The following SYT14 variants were observed in gnomAD, a reference collection of about 807,000 sequenced individuals.
SYT14 encodes the protein synaptotagmin-14.
A neutral mutation model predicts 74.2 loss-of-function variants in SYT14; 32 were observed. That is an observed-to-expected ratio of 0.43 (90% CI 0.33 to 0.58). SYT14 has a LOEUF of 0.58. Ranked by LOEUF, SYT14 falls within the 20% of genes least tolerant of loss-of-function variation. The probability of loss-of-function intolerance (pLI) is 0.05; values close to 1 mark genes in which losing one functional copy is unlikely to be tolerated. For missense variants in SYT14, 791 were observed against 981.8 expected (o/e 0.81, Z 2.60); for synonymous variants, 298 against 337.7 (o/e 0.88, Z 1.29).
At chr1:209,989,331 C>T (rs2079624922) in intron 2 of SYT14, among the ~76,000 whole-genome samples, 1 of 152,004 alleles carries the variant, frequency 6.6e-6, no homozygotes, top group Admixed American at 6.6e-5. Flanking sequence ...GATTAGAGAA[C>T]AAGATATGGT....
At chr1:209,938,528 G>A (rs1218010226) in intron 1 of SYT14, among the ~76,000 whole-genome samples, 1 of 152,036 alleles carries the variant, frequency 6.6e-6, no homozygotes, top group African/African-American at 2.4e-5. Flanking sequence ...GCCGCACGCG[G>A]GGCAAAGCGG....
chr1:210,162,330 A>C (rs1167940734), exon 10 of SYT14: 1 of 447,092 alleles, frequency 2.2e-6, no homozygotes. Context: ...TCCTCAGAAC[A>C]GTGTCGCAAG....
chr1:210,096,370 CAT>C lies in SYT14; in HGVS notation c.1584+1778_1584+1779del, dbSNP rs1491023022. Among the ~76,000 whole-genome samples, 4 of 152,060 alleles carry C rather than the reference CAT, an allele frequency of 2.6e-5. No homozygotes were observed. In the East Asian group the frequency reaches 5.8e-4, roughly 22 times the overall value. The stretch of plus-strand genomic sequence containing the variant: ...TAAGATGCTCAAATTATTGTGTGTG[CAT>C]GTGTGTGTGTGAGAGAGAGAGAAAG... On this transcript the variant is annotated intron_variant, in intron 6 of 9. Coordinates refer to ENST00000637265, the Ensembl canonical transcript of SYT14.
intron 1 of SYT14, among the ~76,000 whole-genome samples, chr1:209,940,813 T>C (rs1274141499): frequency 6.6e-6 from 1 of 152,234 alleles, no homozygotes; most frequent in Admixed American, 6.5e-5. Flanking sequence ...TTGTATGTTT[T>C]AAAATTTGGA....
chr1:209,957,212 A>C lies in SYT14; in HGVS notation c.-486+4456A>C, dbSNP rs550134364. 2.6e-5 allele frequency among the ~76,000 whole-genome samples: 4 copies of C among 152,068 alleles called. No homozygotes were observed. The South Asian group carries it at 8.3e-4, about 32-fold the overall frequency. ...AACATGGACTTTCCTTTCTAACTTT[A>C]GCCCCCATTGCTGTCTTCTCTCTTC... On this transcript the variant is annotated intron_variant, in intron 2 of 9. Coordinates refer to ENST00000637265, the Ensembl canonical transcript of SYT14.
At chr1:210,110,566 G>A (rs1040962327) in intron 7 of SYT14, among the ~76,000 whole-genome samples, 1 of 152,180 alleles carries the variant, frequency 6.6e-6, no homozygotes, top group African/African-American at 2.4e-5. Flanking sequence ...ATTAAACAAG[G>A]TGTTGGGAGT....
exon 4 of SYT14, chr1:210,016,902 T>C (rs2080195888): frequency 1.6e-6 from 2 of 1,231,646 alleles, no homozygotes; most frequent in Non-Finnish European, 2.0e-6. Context: ...AAATCTATTA[T>C]AAAAGAAGAC....
chr1:210,112,519 A>G (rs745696349), intron 7 of SYT14, among the ~76,000 whole-genome samples: 4 of 151,344 alleles, frequency 2.6e-5, no homozygotes, highest in Admixed American at 6.6e-5. Flanking sequence ...GAAGAGATTG[A>G]TAAGTGGAAG....
chr1:209,944,673 T>A (rs2078793594), intron 1 of SYT14, among the ~76,000 whole-genome samples: 1 of 151,978 alleles, frequency 6.6e-6, no homozygotes, highest in Non-Finnish European at 1.5e-5. Context: ...AGTAATTGCA[T>A]AGCAACAGCA....
chr1:210,019,131 CAAA>C (rs1215149823), intron 4 of SYT14, among the ~76,000 whole-genome samples: 10 of 56,680 alleles, frequency 1.8e-4, no homozygotes, highest in South Asian at 9.8e-4. Flanking sequence ...TGAGACTCCT[CAAA>C]AAAAAAAAAA....
intron 2 of SYT14, among the ~76,000 whole-genome samples, chr1:209,957,954 T>C (rs1272316506): frequency 6.6e-6 from 1 of 152,148 alleles, no homozygotes; most frequent in Non-Finnish European, 1.5e-5. Flanking sequence ...CTTCCTTCTT[T>C]CTCTCTGTCT....
intron 7 of SYT14, among the ~76,000 whole-genome samples, chr1:210,126,100 GC>G (rs1386449602): frequency 6.6e-6 from 1 of 152,058 alleles, no homozygotes; most frequent in Non-Finnish European, 1.5e-5. Flanking sequence ...CTATGCGGGA[GC>G]CTGATACAGG....
rs373504141 is a variant in SYT14, at chr1:210,130,360, GA to G, written c.2035-25353del. Among the ~76,000 whole-genome samples the G allele has an allele frequency of 4.0e-5, 6 of 151,872 alleles. No homozygotes were observed. The South Asian group carries it at 1.0e-3, about 26-fold the overall frequency. ...TGGATTAAAGTCATTATGACCATGAGAAAAAAAATGGTTTTTTTTCCAGTGT... is the reference window on the plus strand; with the variant it reads ...TGGATTAAAGTCATTATGACCATGAGAAAAAAATGGTTTTTTTTCCAGTGT... On this transcript the variant is annotated intron_variant, in intron 7 of 9. Coordinates refer to ENST00000637265, the Ensembl canonical transcript of SYT14.
chr1:210,047,444 C>T (rs908907596), intron 5 of SYT14, among the ~76,000 whole-genome samples: 1 of 152,062 alleles, frequency 6.6e-6, no homozygotes, highest in Non-Finnish European at 1.5e-5. Flanking sequence ...GTCGGCCGGG[C>T]TGGAGTGCAA....
intron 7 of SYT14, among the ~76,000 whole-genome samples, chr1:210,152,420 T>C (rs1245128009): frequency 2.6e-5 from 4 of 152,224 alleles, no homozygotes; most frequent in Non-Finnish European, 5.9e-5. Context: ...TAGTGTCTTT[T>C]TTTTCTTTTC....
intron 5 of SYT14, among the ~76,000 whole-genome samples, chr1:210,022,348 T>G (rs2080321686): frequency 6.6e-6 from 1 of 152,196 alleles, no homozygotes; most frequent in African/African-American, 2.4e-5. Flanking sequence ...ATATGGTCAT[T>G]ATGAGATTCA....
At chr1:210,065,725 T>A (rs1348233441) in intron 5 of SYT14, among the ~76,000 whole-genome samples, 1 of 152,076 alleles carries the variant, frequency 6.6e-6, no homozygotes, top group Non-Finnish European at 1.5e-5. Context: ...AAATACTTTT[T>A]TAAATTTAAT....
chr1:210,095,569 G>A (rs1572289743), intron 6 of SYT14, among the ~76,000 whole-genome samples: 2 of 152,234 alleles, frequency 1.3e-5, no homozygotes, highest in East Asian at 3.9e-4. Context: ...AAAAGTTTTA[G>A]ATTGCAAGTT....
At chr1:210,108,419 A>G (rs956091178) in intron 7 of SYT14, among the ~76,000 whole-genome samples, 1 of 152,218 alleles carries the variant, frequency 6.6e-6, no homozygotes, top group African/African-American at 2.4e-5. Flanking sequence ...TGGAAGTCAT[A>G]GATAGCTTTT....
Sources: gnomAD v4.1 joint callset for allele counts (sites outside exome capture counted in the v4.1 genomes callset) on GRCh38, gnomAD v4.1.1 for gene constraint, MANE v1.5 for transcripts, NCBI Gene and HGNC (gene_info 2026-07-23, HGNC 2026-07-21) for gene names.